CNTN5: variants seen among roughly 807,000 people sequenced by gnomAD.
The protein encoded by CNTN5 is contactin 5.
Under a neutral mutation model 129.1 loss-of-function variants are expected in CNTN5, and 77 were observed. The ratio of observed to expected loss-of-function variants is 0.60; its 90% confidence interval spans 0.50 to 0.72. The LOEUF (loss-of-function observed/expected upper bound fraction) is 0.72. Ranked by LOEUF, CNTN5 falls within the 30% of genes least tolerant of loss-of-function variation. The probability of loss-of-function intolerance (pLI) is 0.00; values close to 1 mark genes in which losing one functional copy is unlikely to be tolerated. For missense variants in CNTN5, 1,478 were observed against 1,328.8 expected (o/e 1.11, Z -1.75); for synonymous variants, 509 against 465.6 (o/e 1.09, Z -1.20).
At chr11:99,873,372 A>G (rs1370781411) in intron 6 of CNTN5, among the ~76,000 whole-genome samples, 2 of 152,116 alleles carry the variant, frequency 1.3e-5, no homozygotes, top group Non-Finnish European at 2.9e-5. Context: ...ACAAGAAAAA[A>G]ACTAACAACC....
chr11:99,518,371 A>G (rs976056835), intron 2 of CNTN5, among the ~76,000 whole-genome samples: 11 of 152,256 alleles, frequency 7.2e-5, no homozygotes, highest in Middle Eastern at 3.4e-3. Flanking sequence ...GAGCAAGTAT[A>G]TATAGAAAAC....
intron 4 of CNTN5, among the ~76,000 whole-genome samples, chr11:99,826,814 T>G (rs571100965): frequency 6.6e-6 from 1 of 152,314 alleles, no homozygotes; most frequent in East Asian, 1.9e-4. Context: ...TGGAATCTTT[T>G]TAGCAGCAGT....
chr11:99,914,945 G>A (rs1949750301), intron 6 of CNTN5, among the ~76,000 whole-genome samples: 1 of 151,954 alleles, frequency 6.6e-6, no homozygotes, highest in Non-Finnish European at 1.5e-5. Flanking sequence ...TTTCTTGAGT[G>A]TTCAGTTTAT....
intron 1 of CNTN5, among the ~76,000 whole-genome samples, chr11:99,112,072 A>T (rs183029992): frequency 6.6e-6 from 1 of 152,220 alleles, no homozygotes; most frequent in East Asian, 1.9e-4. Context: ...TGATAATTAC[A>T]TTCAAGAAAG....
intron 7 of CNTN5, among the ~76,000 whole-genome samples, chr11:99,952,432 A>G (rs1166609095): frequency 6.6e-6 from 1 of 152,226 alleles, no homozygotes; most frequent in African/African-American, 2.4e-5. Context: ...AATGCTCCTG[A>G]CATATACTCT....
intron 4 of CNTN5, among the ~76,000 whole-genome samples, chr11:99,824,274 A>G (rs571718348): frequency 2.0e-5 from 3 of 152,112 alleles, no homozygotes; most frequent in Non-Finnish European, 2.9e-5. Flanking sequence ...ATTTCTCCAC[A>G]TTGTCACCAA....
chr11:99,797,468 C>T (rs1030314488), intron 3 of CNTN5, among the ~76,000 whole-genome samples: 38 of 152,098 alleles, frequency 2.5e-4, no homozygotes, highest in African/African-American at 9.2e-4. Flanking sequence ...TAATAACTGC[C>T]ATTCTGACTT....
At chr11:100,007,181 C>T (rs1217568223) in intron 9 of CNTN5, among the ~76,000 whole-genome samples, 1 of 151,982 alleles carries the variant, frequency 6.6e-6, no homozygotes, top group African/African-American at 2.4e-5. Context: ...CTTTGTTGTT[C>T]CATTTCAAGA....
chr11:99,297,144 T>A (rs2135935610), intron 1 of CNTN5, among the ~76,000 whole-genome samples: 1 of 152,332 alleles, frequency 6.6e-6, no homozygotes, highest in Non-Finnish European at 1.5e-5. Context: ...CTAACATTTC[T>A]GTTCCCTGGC....
intron 3 of CNTN5, among the ~76,000 whole-genome samples, chr11:99,680,318 T>C (rs74333045): frequency 0.02 from 3,077 of 152,196 alleles, 121 homozygotes; most frequent in East Asian, 0.18. Flanking sequence ...AAGGCCCAGG[T>C]TGACTTTCAA....
At chr11:99,401,450 A>G (rs1468312639) in intron 2 of CNTN5, among the ~76,000 whole-genome samples, 1 of 152,016 alleles carries the variant, frequency 6.6e-6, no homozygotes, top group Non-Finnish European at 1.5e-5. Context: ...TGTCTGTTTT[A>G]TGCCAGTACA....
chr11:100,297,800 C>A, intron 19 of CNTN5, 105 bp downstream of exon 19: 1 of 842,540 alleles, frequency 1.2e-6, no homozygotes, highest in Non-Finnish European at 1.9e-6. Flanking sequence ...CATTTAGAGG[C>A]TAAAAACAGT....
intron 2 of CNTN5, among the ~76,000 whole-genome samples, chr11:99,539,438 A>C (rs1232034383): frequency 6.6e-6 from 1 of 152,066 alleles, no homozygotes; most frequent in Non-Finnish European, 1.5e-5. Context: ...AATCCTCTCT[A>C]AACATTAATA....
intron 2 of CNTN5, among the ~76,000 whole-genome samples, chr11:99,330,452 TA>T (rs1865955215): frequency 6.6e-6 from 1 of 152,120 alleles, no homozygotes; most frequent in South Asian, 2.1e-4. Context: ...ATCTCATACA[TA>T]ATGGAAATAA....
intron 3 of CNTN5, among the ~76,000 whole-genome samples, chr11:99,590,997 A>G (rs913738811): frequency 1.2e-4 from 19 of 152,244 alleles, no homozygotes; most frequent in African/African-American, 4.3e-4. Context: ...TTACAATTAT[A>G]ATGTAAATTG....
intron 17 of CNTN5, among the ~76,000 whole-genome samples, chr11:100,261,448 T>G (rs1950194683): frequency 6.6e-6 from 1 of 152,168 alleles, no homozygotes; most frequent in Non-Finnish European, 1.5e-5. Context: ...AAAAAACTAC[T>G]TTAAATTTCA....
chr11:99,284,297 A>G (rs1863828131), intron 1 of CNTN5, among the ~76,000 whole-genome samples: 1 of 152,122 alleles, frequency 6.6e-6, no homozygotes, highest in Non-Finnish European at 1.5e-5. Context: ...AAATGCACAC[A>G]TGACATGTTA....
At chr11:99,887,448 A>G (rs1304410126) in intron 6 of CNTN5, among the ~76,000 whole-genome samples, 1 of 152,252 alleles carries the variant, frequency 6.6e-6, no homozygotes, top group Non-Finnish European at 1.5e-5. Context: ...TTACTAGCTG[A>G]ATGTCCTAGT....
intron 9 of CNTN5, among the ~76,000 whole-genome samples, chr11:100,021,895 TC>T (rs1326801514): frequency 6.6e-6 from 1 of 151,984 alleles, no homozygotes; most frequent in African/African-American, 2.4e-5. Flanking sequence ...GAACTTGGAG[TC>T]TGATGTTTGA....
Sources: gnomAD v4.1 joint callset for allele counts (sites outside exome capture counted in the v4.1 genomes callset) on GRCh38, gnomAD v4.1.1 for gene constraint, MANE v1.5 for transcripts, NCBI Gene and HGNC (gene_info 2026-07-23, HGNC 2026-07-21) for gene names.